KALRN: variants seen among roughly 807,000 people sequenced by gnomAD.
The protein encoded by KALRN is kalirin.
KALRN carries 70 observed loss-of-function variants against 353.7 expected under a neutral mutation model. That is an observed-to-expected ratio of 0.20 (90% CI 0.16 to 0.24). KALRN has a LOEUF of 0.24. Among genes scored for constraint, KALRN ranks in the 10% least tolerant of loss-of-function variants. The pLI is 1.00. For synonymous variants in KALRN, 1,391 were observed against 1,434.8 expected (o/e 0.97, Z 0.69); for missense variants, 2,791 against 3,756.7 (o/e 0.74, Z 6.72).
chr3:124,590,959 C>T (rs1022890964), intron 34 of KALRN, among the ~76,000 whole-genome samples: 10 of 152,184 alleles, frequency 6.6e-5, no homozygotes, highest in African/African-American at 2.2e-4. Flanking sequence ...TTTTTCATTC[C>T]TGGGCATGTG....
At position 124,179,291 on chromosome 3, in the gene KALRN, C is replaced by CT. The variant is rs549126959; in HGVS notation, c.74-48690dup. On this transcript the variant is annotated intron_variant, in intron 1 of 59. Transcript: ENST00000682506. ...AAAAAAATTTTTAAAACTTTTAAAA[C>CT]TTTTTTTTTAACAAATAAATACACA... Among the ~76,000 whole-genome samples, 1,200 of 151,310 alleles carry CT rather than the reference C, an allele frequency of 7.9e-3. 14 individuals are homozygous for CT. The highest frequency in any genetic ancestry group is 0.026 in the African/African-American group (1,075 of 41,268).
chr3:124,516,643 A>AAAC (rs1162736105), intron 33 of KALRN, among the ~76,000 whole-genome samples: 1 of 151,696 alleles, frequency 6.6e-6, no homozygotes, highest in Non-Finnish European at 1.5e-5. Context: ...CTATAAAAAA[A>AAAC]AAAAAAAAAA....
At chr3:124,320,831 G>T (rs1033885141) in intron 6 of KALRN, among the ~76,000 whole-genome samples, 6 of 152,166 alleles carry the variant, frequency 3.9e-5, no homozygotes, top group Non-Finnish European at 7.4e-5. Flanking sequence ...TTAACTCCTA[G>T]GGAAATAGTG....
At chr3:124,511,312 A>G (rs1173298492) in intron 33 of KALRN, among the ~76,000 whole-genome samples, 1 of 152,188 alleles carries the variant, frequency 6.6e-6, no homozygotes, top group East Asian at 1.9e-4. Flanking sequence ...TCTATGACAT[A>G]ACTGCATTTG....
Position 124,442,055 on chromosome 3 carries a change from GA to G in KALRN, c.3312del (p.Ala1105ProfsTer3). 2 of 1,596,296 alleles carry G rather than the reference GA, an allele frequency of 1.3e-6. No individual in the cohort carries two copies. The highest frequency in any genetic ancestry group is 1.7e-6 in the Non-Finnish European group (2 of 1,167,292). On this transcript the variant is annotated frameshift_variant, in exon 19 of 60. Transcript: ENST00000682506. LOFTEE classifies it high-confidence loss of function. ...SHTRGPEQQV[K>X]AILSELLQRE... is the part of the protein sequence containing the mutation. ...ACACTCGGGGACCCGAGCAACAAGT[GA>G]AAGGTCAGTGAGAGACCTGCCCAGC... is the stretch of plus-strand genomic sequence containing the variant.
chr3:124,227,238 A>T (rs2078616734), intron 1 of KALRN, among the ~76,000 whole-genome samples: 1 of 152,234 alleles, frequency 6.6e-6, no homozygotes, highest in East Asian at 1.9e-4. Flanking sequence ...GAACATAGAA[A>T]GGACTTTCTA....
chr3:124,608,638 G>A (rs892125129), intron 34 of KALRN, among the ~76,000 whole-genome samples: 2 of 152,168 alleles, frequency 1.3e-5, no homozygotes, highest in Non-Finnish European at 2.9e-5. Flanking sequence ...CTGCAGGCCT[G>A]CCCAAGAGTT....
chr3:124,576,440 G>C lies in KALRN; in HGVS notation c.5182+13351G>C, dbSNP rs73191608. The stretch of plus-strand genomic sequence containing the variant: ...AGGACCAGGCTCAGCATGTAGAACG[G>C]TAAAGGAAACTGGCTTAAGCTTTAG... On this transcript the variant is annotated intron_variant, in intron 34 of 59. Coordinates refer to ENST00000682506, the MANE Select transcript of KALRN (RefSeq NM_001388419.1). Among the ~76,000 whole-genome samples, 338 of 152,268 alleles carry C rather than the reference G, an allele frequency of 2.2e-3. 2 individuals are homozygous for C. The highest frequency in any genetic ancestry group is 0.015 in the Admixed American group (236 of 15,282).
chr3:124,372,178 C>G (rs2085933509), intron 10 of KALRN, among the ~76,000 whole-genome samples: 1 of 152,070 alleles, frequency 6.6e-6, no homozygotes, highest in South Asian at 2.1e-4. Context: ...ACCACATTTT[C>G]TTCATTGGAG....
At chr3:124,278,984 CT>C (rs2149020753) in intron 5 of KALRN, among the ~76,000 whole-genome samples, 1 of 152,350 alleles carries the variant, frequency 6.6e-6, no homozygotes, top group East Asian at 1.9e-4. Context: ...CCCTTTCCCA[CT>C]TGTGACCTTC....
chr3:124,127,229 C>G (rs1389966613), intron 1 of KALRN, among the ~76,000 whole-genome samples: 1 of 152,084 alleles, frequency 6.6e-6, no homozygotes, highest in Non-Finnish European at 1.5e-5. Context: ...TAAGATTTTC[C>G]CATTTAAATT....
chr3:124,183,165 A>G (rs1000476906), intron 1 of KALRN, among the ~76,000 whole-genome samples: 1 of 152,226 alleles, frequency 6.6e-6, no homozygotes, highest in East Asian at 1.9e-4. Flanking sequence ...ATTAGGGCAC[A>G]TGGAGAGAGA....
rs749992756 is a variant in KALRN, at chr3:124,658,486, A to G, written c.6092A>G (p.Tyr2031Cys). ...TGTCAGAATAAGCCGCGCTCAGAGT[A>G]CATCGTTGCTGAGTATGACGCCTAC... Reference protein sequence around the residue: ...WYCQNKPRSEYIVAEYDAYFE... With the variant: ...WYCQNKPRSECIVAEYDAYFE... The change falls in exon 42 of 60, where the codon TAC (tyrosine) becomes TGC (cysteine). Residue 2031 changes from tyrosine to cysteine, a missense_variant. By Grantham distance (194) the Tyr-to-Cys change is radical (BLOSUM62 -2). Transcript: ENST00000682506. 3.1e-6 allele frequency: 5 copies of G among 1,613,954 alleles called. No homozygotes were observed. In the East Asian group the frequency reaches 6.7e-5, roughly 22 times the overall value.
chr3:124,495,518 C>T (rs1238705937), intron 32 of KALRN, among the ~76,000 whole-genome samples: 1 of 151,858 alleles, frequency 6.6e-6, no homozygotes, highest in Non-Finnish European at 1.5e-5. Context: ...GGCAGATCAC[C>T]TGAGGTCAGG....
At chr3:124,126,149 G>T (rs2064639658) in intron 1 of KALRN, among the ~76,000 whole-genome samples, 1 of 151,966 alleles carries the variant, frequency 6.6e-6, no homozygotes, top group African/African-American at 2.4e-5. Flanking sequence ...AATTGGGAGA[G>T]ATTTCCTTGC....
intron 19 of KALRN, among the ~76,000 whole-genome samples, chr3:124,443,372 A>G (rs1053664598): frequency 2.0e-5 from 3 of 152,194 alleles, no homozygotes; most frequent in African/African-American, 7.2e-5. Flanking sequence ...TGGAGACACC[A>G]TGGACAGGGT....
At position 124,317,791 on chromosome 3, in the gene KALRN, G is replaced by A. The variant is rs563196215; in HGVS notation, c.1093-8189G>A. Among the ~76,000 whole-genome samples, 29 of 150,378 alleles carry A rather than the reference G, an allele frequency of 1.9e-4. No homozygotes were observed. The East Asian group carries it at 2.6e-3, about 13-fold the overall frequency. On this transcript the variant is annotated intron_variant, in intron 6 of 59. Transcript: ENST00000682506. ...TAAAATGCTGATAAATATATTTCCCGGAAGTCTTAGAGGCTCTAATTTCAA... is the reference window on the plus strand; with the variant it reads ...TAAAATGCTGATAAATATATTTCCCAGAAGTCTTAGAGGCTCTAATTTCAA...
At chr3:124,662,059 C>A in intron 45 of KALRN, 131 bp downstream of exon 45, 1 of 735,662 alleles carries the variant, frequency 1.4e-6, no homozygotes, top group East Asian at 2.6e-5. Flanking sequence ...CCTTCCTACC[C>A]GGGCCCCTCT....
At chr3:124,670,056 C>T (rs1352272017) in intron 47 of KALRN, among the ~76,000 whole-genome samples, 1 of 151,802 alleles carries the variant, frequency 6.6e-6, no homozygotes, top group Non-Finnish European at 1.5e-5. Flanking sequence ...TGCAAATCTC[C>T]ACCTCCTGAG....
Sources: gnomAD v4.1 joint callset for allele counts (sites outside exome capture counted in the v4.1 genomes callset) on GRCh38, gnomAD v4.1.1 for gene constraint, MANE v1.5 for transcripts, NCBI Gene and HGNC (gene_info 2026-07-23, HGNC 2026-07-21) for gene names.